The following ATP9B variants were observed in gnomAD, a reference collection of about 807,000 sequenced individuals.
ATP9B encodes ATPase phospholipid transporting 9B.
In ATP9B, 110 loss-of-function variants were observed where a neutral mutation model predicts 146.1. That is an observed-to-expected ratio of 0.75 (90% confidence interval 0.65 to 0.88). ATP9B has a LOEUF of 0.88. ATP9B is among the 40% of genes least tolerant of loss of function. ATP9B has a pLI of 0.00. For missense variants in ATP9B, 1,499 were observed against 1,496.4 expected (o/e 1.00, Z -0.03); for synonymous variants, 604 against 569.7 (o/e 1.06, Z -0.86).
chr18:79,326,359 G>T (rs62096803), intron 15 of ATP9B, among the ~76,000 whole-genome samples: 2,237 of 20,924 alleles, frequency 0.11, 58 homozygotes, highest in East Asian at 0.21. Context: ...ATGGTGTTAG[G>T]GTGTCATCTC....
chr18:79,351,962 C>G (rs1445694081), intron 25 of ATP9B, among the ~76,000 whole-genome samples: 2 of 152,144 alleles, frequency 1.3e-5, no homozygotes, highest in Non-Finnish European at 2.9e-5. Flanking sequence ...AGAAAGAGAG[C>G]TCCTAGGCCA....
At chr18:79,226,002 T>C (rs2095730204) in intron 11 of ATP9B, among the ~76,000 whole-genome samples, 3 of 152,236 alleles carry the variant, frequency 2.0e-5, no homozygotes, top group African/African-American at 7.2e-5. Context: ...CCTCCTCCTA[T>C]GGCAGCATGA....
intron 11 of ATP9B, among the ~76,000 whole-genome samples, chr18:79,250,719 T>C (rs1474738742): frequency 1.3e-5 from 2 of 152,232 alleles, no homozygotes; most frequent in Non-Finnish European, 2.9e-5. Flanking sequence ...GGTCTTCAGC[T>C]GCCCCATTCT....
chr18:79,220,398 C>G (rs1157281583), intron 11 of ATP9B, among the ~76,000 whole-genome samples: 1 of 151,994 alleles, frequency 6.6e-6, no homozygotes, highest in African/African-American at 2.4e-5. Context: ...CCCAGGAGTT[C>G]GAGACCAGCC....
chr18:79,120,976 C>T (rs962042955), intron 4 of ATP9B, among the ~76,000 whole-genome samples: 5 of 152,146 alleles, frequency 3.3e-5, no homozygotes, highest in Admixed American at 2.0e-4. Flanking sequence ...CCAGAGACAA[C>T]CATTGTTAGT....
intron 2 of ATP9B, among the ~76,000 whole-genome samples, chr18:79,102,811 C>G (rs1021052775): frequency 1.3e-5 from 2 of 152,148 alleles, no homozygotes; most frequent in African/African-American, 4.8e-5. Flanking sequence ...AATTTGATCT[C>G]TTTCACTAGC....
At chr18:79,231,766 A>G (rs375309851) in intron 11 of ATP9B, among the ~76,000 whole-genome samples, 1 of 133,612 alleles carries the variant, frequency 7.5e-6, no homozygotes, top group Non-Finnish European at 1.6e-5. Context: ...GATAAAGAAA[A>G]TGTGTGTGTG....
intron 13 of ATP9B, among the ~76,000 whole-genome samples, chr18:79,292,977 A>G (rs2096521696): frequency 6.6e-6 from 1 of 152,012 alleles, no homozygotes; most frequent in African/African-American, 2.4e-5. Context: ...ACAATGTGGT[A>G]TGTGGTGCGG....
intron 26 of ATP9B, 87 bp downstream of exon 26, chr18:79,359,549 C>T (rs1241985166): frequency 2.1e-6 from 2 of 951,450 alleles, no homozygotes; most frequent in Non-Finnish European, 1.7e-6. Context: ...AGTCAGGAGG[C>T]ATTTCCAGGC....
At chr18:79,249,556 G>T (rs2096002736) in intron 11 of ATP9B, among the ~76,000 whole-genome samples, 1 of 152,166 alleles carries the variant, frequency 6.6e-6, no homozygotes. Flanking sequence ...AAAGTTTACA[G>T]TCATGGCAAA....
Position 79,277,105 on chromosome 18 carries a change from G to T in ATP9B, c.1320G>T (p.Met440Ile), listed in dbSNP as rs2096319380. 1 of 1,614,088 alleles carries T rather than the reference G, an allele frequency of 6.2e-7. No individual in the cohort carries two copies. The highest frequency in any genetic ancestry group is 8.5e-7 in the Non-Finnish European group (1 of 1,180,032). Reference sequence around the variant, plus strand: ...AAGCGGTGTATGGATGGATGATGATGAAAGATGAGAACATCCCTGGCACGG... The same window carrying T: ...AAGCGGTGTATGGATGGATGATGATTAAAGATGAGAACATCCCTGGCACGG... ...MGKAVYGWMMMKDENIPGTVV... is the reference protein window; with the variant it reads ...MGKAVYGWMMIKDENIPGTVV... Residue 440 changes from methionine (M) to isoleucine (I), a missense_variant, in exon 13 of 30, where the codon ATG (methionine) becomes ATT (isoleucine). Coordinates refer to ENST00000426216, the MANE Select transcript of ATP9B (RefSeq NM_198531.5).
At chr18:79,343,565 A>C (rs1029554437) in intron 20 of ATP9B, 11 of 152,224 alleles carry the variant, frequency 7.2e-5, no homozygotes, top group Non-Finnish European at 1.2e-4. Context: ...AGTAAGTTGA[A>C]ACCCATGGCA....
At chr18:79,221,938 AAAAG>A (rs1432745216) in intron 11 of ATP9B, among the ~76,000 whole-genome samples, 9 of 150,658 alleles carry the variant, frequency 6.0e-5, no homozygotes, top group South Asian at 2.1e-4. Context: ...TAAAAAAAAA[AAAAG>A]AAAGAAAAAC....
rs116027110 is a variant in ATP9B at position 79,296,584 on chromosome 18, T to A, written c.1412-7020T>A. Among the ~76,000 whole-genome samples, 1,004 of 152,334 alleles carry A rather than the reference T, an allele frequency of 6.6e-3. 6 individuals carry two copies. The highest frequency in any genetic ancestry group is 0.023 in the African/African-American group (939 of 41,572). ...AGGTATCTTCCGGATTTTTATATAA[T>A]ATTTCCAACTTTGGATTCCACACAG... On this transcript the variant is annotated intron_variant, in intron 13 of 29. Transcript: ENST00000426216.
In ATP9B at chr18:79,373,965, C is replaced by T. The variant is rs754428358; in HGVS notation, c.3138C>T (p.Ser1046=). The change falls in exon 28 of 30, where the codon TCC becomes TCT. Residue 1046 remains serine, a synonymous_variant. Transcript: ENST00000426216. The part of the protein sequence containing the change: ...ESEFVHVVAI[S]FTALILTELL... The stretch of plus-strand genomic sequence containing the variant: ...AGTTCGTCCACGTGGTGGCCATCTC[C>T]TTCACCGCACTGATCCTGACCGAGC... 95 of 1,613,926 alleles carry T rather than the reference C, an allele frequency of 5.9e-5. No homozygotes were observed. The highest frequency in any genetic ancestry group is 7.5e-5 in the Non-Finnish European group (88 of 1,180,050).
intron 11 of ATP9B, among the ~76,000 whole-genome samples, chr18:79,230,326 C>T (rs1280588679): frequency 1.3e-5 from 2 of 152,216 alleles, no homozygotes; most frequent in East Asian, 3.9e-4. Context: ...ACTAAAGACT[C>T]ATCCAAAAAG....
chr18:79,310,549 A>C (rs1176544541), intron 15 of ATP9B, among the ~76,000 whole-genome samples: 2 of 152,220 alleles, frequency 1.3e-5, no homozygotes, highest in African/African-American at 4.8e-5. Context: ...GAAGAATTCT[A>C]CCACTTTATG....
At chr18:79,081,811 C>A (rs906329324) in intron 1 of ATP9B, among the ~76,000 whole-genome samples, 2 of 151,616 alleles carry the variant, frequency 1.3e-5, no homozygotes, top group Non-Finnish European at 2.9e-5. Flanking sequence ...TGTGGGTAAC[C>A]CGACCTTTCT....
chr18:79,104,614 T>C (rs918920083), intron 2 of ATP9B, among the ~76,000 whole-genome samples: 7 of 115,452 alleles, frequency 6.1e-5, no homozygotes, highest in Non-Finnish European at 1.3e-4. Context: ...GTTTTACTTA[T>C]AATATACTCC....
Sources: allele counts gnomAD v4.1 joint callset (sites outside exome capture counted in the v4.1 genomes callset), GRCh38; gene constraint gnomAD v4.1.1; transcripts MANE v1.5; gene names NCBI Gene and HGNC (gene_info 2026-07-23, HGNC 2026-07-21).